STK39: variants seen among roughly 807,000 people sequenced by gnomAD.
STK39 encodes STE20/SPS1-related proline-alanine-rich protein kinase.
A neutral mutation model predicts 77.8 loss-of-function variants in STK39; 20 were observed. That is an observed-to-expected ratio of 0.26 (90% CI 0.18 to 0.37). STK39 has a LOEUF of 0.37. Ranked by LOEUF, STK39 falls within the 10% of genes least tolerant of loss-of-function variation. The pLI, the probability that STK39 is intolerant of heterozygous loss-of-function variation, is 1.00. For missense variants in STK39, 479 were observed against 656.5 expected (o/e 0.73, Z 2.95); for synonymous variants, 246 against 234.1 (o/e 1.05, Z -0.47).
At chr2:168,071,397 T>C (rs1290624146) in intron 12 of STK39, among the ~76,000 whole-genome samples, 1 of 152,188 alleles carries the variant, frequency 6.6e-6, no homozygotes, top group East Asian at 1.9e-4. Context: ...TAGTGGCTTA[T>C]AGTCAAAAAC....
At chr2:168,207,534 G>C (rs1433962117) in intron 1 of STK39, among the ~76,000 whole-genome samples, 2 of 152,160 alleles carry the variant, frequency 1.3e-5, no homozygotes, top group African/African-American at 2.4e-5. Flanking sequence ...ATGTACTCAA[G>C]TATATTCACA....
intron 10 of STK39, among the ~76,000 whole-genome samples, chr2:168,106,665 C>A (rs753283332): frequency 6.6e-6 from 1 of 151,810 alleles, no homozygotes; most frequent in Non-Finnish European, 1.5e-5. Flanking sequence ...ACAAAATGTA[C>A]CAAAAAATTA....
Position 168,034,108 on chromosome 2 carries a change from C to T in STK39, c.1377-17013G>A, listed in dbSNP as rs118092747. ...CCTCCACTGAGTCCTACAGCAGCTG[C>T]TAACAATGAACCCAACATACATAAC... On this transcript the variant is annotated intron_variant, in intron 14 of 17. Coordinates refer to ENST00000355999, the MANE Select transcript of STK39 (RefSeq NM_013233.3). 2.3e-3 allele frequency among the ~76,000 whole-genome samples: 343 copies of T among 152,324 alleles called. 9 individuals are homozygous for T. The East Asian group carries it at 0.055, about 24-fold the overall frequency.
chr2:168,147,582 C>G (rs996156407), intron 5 of STK39, among the ~76,000 whole-genome samples: 2 of 146,402 alleles, frequency 1.4e-5, no homozygotes, highest in Admixed American at 7.0e-5. Context: ...TACTTATGCC[C>G]GGTACACATG....
intron 5 of STK39, 136 bp downstream of exon 5, chr2:168,161,651 G>GATA (rs1227505048): frequency 3.4e-6 from 2 of 591,098 alleles, no homozygotes; most frequent in Non-Finnish European, 5.6e-6. Flanking sequence ...TTATCCTTCG[G>GATA]ACCCAAACAT....
At chr2:168,124,679 G>A (rs1419862650) in intron 10 of STK39, among the ~76,000 whole-genome samples, 1 of 152,130 alleles carries the variant, frequency 6.6e-6, no homozygotes, top group Non-Finnish European at 1.5e-5. Flanking sequence ...GATTACAGGT[G>A]TGAGCCACTG....
chr2:168,012,595 T>C (rs749766135), intron 16 of STK39, 39 bp downstream of exon 16: 4 of 1,551,346 alleles, frequency 2.6e-6, no homozygotes, highest in African/African-American at 1.4e-5. Context: ...CCATTTTATA[T>C]ACCAACAAAA....
intron 2 of STK39, among the ~76,000 whole-genome samples, chr2:168,179,328 G>A (rs901402338): frequency 6.6e-6 from 1 of 152,156 alleles, no homozygotes; most frequent in South Asian, 2.1e-4. Flanking sequence ...TGCTCCACAC[G>A]ATCTCATGTG....
chr2:167,959,417 G>C (rs771606323), intron 17 of STK39, among the ~76,000 whole-genome samples: 1 of 151,762 alleles, frequency 6.6e-6, no homozygotes, highest in Non-Finnish European at 1.5e-5. Flanking sequence ...GAGCCACCGC[G>C]CCCGGCCATC....
At chr2:168,000,783 C>T (rs569255340) in intron 16 of STK39, among the ~76,000 whole-genome samples, 4 of 152,168 alleles carry the variant, frequency 2.6e-5, no homozygotes, top group Admixed American at 6.5e-5. Context: ...GAGCCATGAA[C>T]GTGACTTTCT....
intron 1 of STK39, among the ~76,000 whole-genome samples, chr2:168,232,801 A>G (rs1574578750): frequency 1.3e-5 from 2 of 151,954 alleles, no homozygotes; most frequent in Admixed American, 1.3e-4. Context: ...AATCCCAGCT[A>G]CTCAGGAGGC....
intron 1 of STK39, among the ~76,000 whole-genome samples, chr2:168,231,709 G>C (rs1296307336): frequency 6.6e-6 from 1 of 152,128 alleles, no homozygotes; most frequent in Non-Finnish European, 1.5e-5. Flanking sequence ...ATTTTTCTCT[G>C]ATACAGTGTG....
chr2:168,028,009 T>A (rs1351863617), intron 14 of STK39, among the ~76,000 whole-genome samples: 2 of 152,122 alleles, frequency 1.3e-5, no homozygotes, highest in East Asian at 3.9e-4. Flanking sequence ...CTAGAAGTAA[T>A]CCAAACTAAG....
intron 14 of STK39, among the ~76,000 whole-genome samples, chr2:168,054,447 G>A (rs1311858045): frequency 2.6e-5 from 4 of 152,204 alleles, no homozygotes; most frequent in Non-Finnish European, 4.4e-5. Flanking sequence ...GCTTATCATC[G>A]TGCTTGGCAC....
intron 16 of STK39, among the ~76,000 whole-genome samples, chr2:167,977,762 G>T (rs1683318412): frequency 6.6e-6 from 1 of 152,108 alleles, no homozygotes; most frequent in South Asian, 2.1e-4. Flanking sequence ...GGCTGTAACT[G>T]CCCAGTGGGT....
chr2:168,171,874 A>G (rs1487739331), intron 2 of STK39, among the ~76,000 whole-genome samples: 1 of 42,136 alleles, frequency 2.4e-5, no homozygotes, highest in Non-Finnish European at 4.2e-5. Context: ...CCCCCCACAC[A>G]CAAAACATTA....
At chr2:167,977,676 C>CA (rs1454125836) in intron 16 of STK39, among the ~76,000 whole-genome samples, 1 of 151,762 alleles carries the variant, frequency 6.6e-6, no homozygotes, top group East Asian at 1.9e-4. Flanking sequence ...GGTGTCTTAA[C>CA]CAGAGGTTTT....
At chr2:168,138,023 T>A in intron 8 of STK39, 65 bp downstream of exon 8, 1 of 1,555,668 alleles carries the variant, frequency 6.4e-7, no homozygotes, top group Non-Finnish European at 8.7e-7. Flanking sequence ...CCTTTCCCCA[T>A]CTACAAACAA....
At chr2:168,168,666 A>C (rs1317028097) in intron 2 of STK39, among the ~76,000 whole-genome samples, 2 of 152,128 alleles carry the variant, frequency 1.3e-5, no homozygotes, top group African/African-American at 4.8e-5. Context: ...AATATGTAAC[A>C]CTCATACGTT....
Sources: gnomAD v4.1 joint callset for allele counts (sites outside exome capture counted in the v4.1 genomes callset) on GRCh38, gnomAD v4.1.1 for gene constraint, MANE v1.5 for transcripts, NCBI Gene and HGNC (gene_info 2026-07-23, HGNC 2026-07-21) for gene names.